PCDH11X: variants seen among roughly 807,000 people sequenced by gnomAD.
PCDH11X encodes protocadherin-11 X-linked.
PCDH11X carries 18 observed loss-of-function variants against 53.3 expected under a neutral mutation model. That is an observed-to-expected ratio of 0.34 (90% CI 0.23 to 0.50). The LOEUF is 0.50. Among genes scored for constraint, PCDH11X ranks in the 20% least tolerant of loss-of-function variants. The probability of loss-of-function intolerance (pLI) is 0.98; values close to 1 mark genes in which losing one functional copy is unlikely to be tolerated. For synonymous variants in PCDH11X, 279 were observed against 393.3 expected, an observed-to-expected ratio of 0.71 and a Z score of 3.44; for missense variants, 570 against 1,032.4, an observed-to-expected ratio of 0.55 and a Z score of 6.14.
chrX:91,956,497 C>T (rs1374508920), intron 6 of PCDH11X, among the ~76,000 whole-genome samples: 4 of 109,858 alleles, frequency 3.6e-5, no homozygotes, highest in Non-Finnish European at 5.7e-5. Context: ...GATCTTATTT[C>T]TCCTTCACTT....
intron 6 of PCDH11X, among the ~76,000 whole-genome samples, chrX:91,932,848 ATACGT>A (rs2061405575): frequency 8.9e-6 from 1 of 111,788 alleles, no homozygotes; most frequent in African/African-American, 3.2e-5. Flanking sequence ...AAATTCATGA[ATACGT>A]TACAAGTAGC....
chrX:92,006,895 G>T (rs2062608908), intron 6 of PCDH11X, among the ~76,000 whole-genome samples: 1 of 111,432 alleles, frequency 9.0e-6, no homozygotes, highest in African/African-American at 3.3e-5. Flanking sequence ...AGATCCAGGA[G>T]ATTTCTCTGG....
At chrX:92,235,823 T>C (rs963900652) in intron 7 of PCDH11X, among the ~76,000 whole-genome samples, 2 of 110,954 alleles carry the variant, frequency 1.8e-5, no homozygotes, top group South Asian at 3.8e-4. Context: ...TAGCTTGCAA[T>C]GCATCTCAGA....
At chrX:92,232,026 A>G (rs1221369890) in intron 7 of PCDH11X, among the ~76,000 whole-genome samples, 1 of 111,895 alleles carries the variant, frequency 8.9e-6, no homozygotes, top group Non-Finnish European at 1.9e-5. Context: ...GGGCCCATAT[A>G]CTGCTCCAAA....
At chrX:92,345,422 C>G (rs1442959686) in intron 8 of PCDH11X, among the ~76,000 whole-genome samples, 2 of 106,950 alleles carry the variant, frequency 1.9e-5, no homozygotes, top group Non-Finnish European at 3.8e-5. Flanking sequence ...TTACAAAGAA[C>G]AACCACAGAG....
chrX:91,802,437 A>G (rs1169589375), intron 1 of PCDH11X, among the ~76,000 whole-genome samples: 1 of 111,591 alleles, frequency 9.0e-6, no homozygotes, highest in Non-Finnish European at 1.9e-5. Context: ...TCAAATAAGA[A>G]ATTTATCTTT....
chrX:92,374,779 C>A (rs970377634), intron 8 of PCDH11X, among the ~76,000 whole-genome samples: 5 of 110,347 alleles, frequency 4.5e-5, no homozygotes, highest in Non-Finnish European at 7.6e-5. Flanking sequence ...CTTCGGAATT[C>A]AATTGAGCCA....
At chrX:91,794,477 T>G (rs966128713) in intron 1 of PCDH11X, among the ~76,000 whole-genome samples, 1 of 111,883 alleles carries the variant, frequency 8.9e-6, no homozygotes, top group African/African-American at 3.2e-5. Context: ...AGGAAATGTT[T>G]CTCAGATATA....
chrX:92,308,127 C>T (rs1366926035), intron 8 of PCDH11X, among the ~76,000 whole-genome samples: 2 of 105,383 alleles, frequency 1.9e-5, no homozygotes, highest in Non-Finnish European at 1.9e-5. Context: ...CCCAATAATA[C>T]TTTTTGCAAA....
chrX:92,594,479 T>A (rs1209463265), intron 10 of PCDH11X, among the ~76,000 whole-genome samples: 1 of 109,503 alleles, frequency 9.1e-6, no homozygotes, highest in Non-Finnish European at 1.9e-5. Context: ...GTGAGATTCT[T>A]GTAATTCTGA....
chrX:92,506,701 T>C (rs1458807920), intron 10 of PCDH11X, among the ~76,000 whole-genome samples: 1 of 106,373 alleles, frequency 9.4e-6, no homozygotes, highest in Admixed American at 1.0e-4. Context: ...TGAAATTTAT[T>C]TTTTTGGTTG....
intron 6 of PCDH11X, among the ~76,000 whole-genome samples, chrX:92,099,601 GGAGA>G (rs1375476989): frequency 8.9e-6 from 1 of 111,870 alleles, no homozygotes; most frequent in African/African-American, 3.2e-5. Flanking sequence ...GAATAAAAAT[GGAGA>G]AAGAATAAGG....
chrX:92,536,849 G>A (rs1218967547), intron 10 of PCDH11X, among the ~76,000 whole-genome samples: 2 of 109,096 alleles, frequency 1.8e-5, no homozygotes, highest in East Asian at 5.8e-4. Context: ...GTAGAGACAG[G>A]GCTGTGCATG....
chrX:91,833,728 C>T (rs1304040591), intron 4 of PCDH11X, among the ~76,000 whole-genome samples: 2 of 111,711 alleles, frequency 1.8e-5, no homozygotes, highest in Non-Finnish European at 3.8e-5. Flanking sequence ...AGGAAGATTT[C>T]TTTTTTTCCA....
intron 9 of PCDH11X, among the ~76,000 whole-genome samples, chrX:92,438,262 C>T (rs866024244): frequency 1.6e-4 from 18 of 111,644 alleles, no homozygotes; most frequent in African/African-American, 4.2e-4. Flanking sequence ...TGCATAAGCA[C>T]GTATTTTAGT....
At position 91,815,086 on chromosome X, in the gene PCDH11X, G is replaced by A. The variant is rs756476318; in HGVS notation, c.-45+3791G>A. On this transcript the variant is annotated intron_variant, in intron 4 of 10. Transcript: ENST00000682573. ...ACCCTGTTTTACACAAAGATACAGAGAATTTAAATAACTTGCATAAAGTCA... is the reference window on the plus strand; with the variant it reads ...ACCCTGTTTTACACAAAGATACAGAAAATTTAAATAACTTGCATAAAGTCA... 1.4e-3 allele frequency among the ~76,000 whole-genome samples: 160 copies of A among 110,792 alleles called. 1 individual carries two copies. Among genetic ancestry groups the A allele is most frequent in the African/African-American group, 5.0e-3 (152 of 30,421 alleles).
chrX:92,280,782 T>A (rs948534351), intron 8 of PCDH11X, among the ~76,000 whole-genome samples: 1 of 109,375 alleles, frequency 9.1e-6, no homozygotes, highest in African/African-American at 3.3e-5. Flanking sequence ...TAATCAAATA[T>A]ATTTTTTTTA....
At chrX:92,170,649 G>A (rs2065808499) in intron 6 of PCDH11X, among the ~76,000 whole-genome samples, 1 of 109,311 alleles carries the variant, frequency 9.1e-6, no homozygotes, top group South Asian at 4.0e-4. Context: ...CCAGGTTGGA[G>A]TGCAGTGGTG....
At chrX:92,267,851 G>A (rs1378311574) in intron 8 of PCDH11X, among the ~76,000 whole-genome samples, 2 of 112,038 alleles carry the variant, frequency 1.8e-5, no homozygotes, top group African/African-American at 6.5e-5. Flanking sequence ...TAACATGGTG[G>A]AAGGCATCAC....
Sources: gnomAD v4.1 joint callset for allele counts (sites outside exome capture counted in the v4.1 genomes callset) on GRCh38, gnomAD v4.1.1 for gene constraint, MANE v1.5 for transcripts, NCBI Gene and HGNC (gene_info 2026-07-23, HGNC 2026-07-21) for gene names.